The following CECR2 variants were observed in gnomAD, a reference collection of about 807,000 sequenced individuals.
The protein encoded by CECR2 is CECR2 histone acetyl-lysine reader.
Under a neutral mutation model 154.5 loss-of-function variants are expected in CECR2, and 30 were observed. That is an observed-to-expected ratio of 0.19 (90% CI 0.15 to 0.26). The LOEUF (loss-of-function observed/expected upper bound fraction) is 0.26. Among genes scored for constraint, CECR2 ranks in the 10% least tolerant of loss-of-function variants. The pLI, the probability that CECR2 is intolerant of heterozygous loss-of-function variation, is 1.00. For synonymous variants in CECR2, 725 were observed against 683.7 expected, an observed-to-expected ratio of 1.06 and a Z score of -0.94; for missense variants, 1,743 against 1,829.3, an observed-to-expected ratio of 0.95 and a Z score of 0.86.
chr22:17,498,861 G>A (rs2055682406), intron 3 of CECR2, among the ~76,000 whole-genome samples: 2 of 152,190 alleles, frequency 1.3e-5, no homozygotes, highest in East Asian at 1.9e-4. Flanking sequence ...GGGAACAATG[G>A]TGGGGATAGG....
At position 17,549,101 on chromosome 22, in the gene CECR2, G is replaced by A. The variant is rs769580221; in HGVS notation, c.3814G>A (p.Asp1272Asn). Residue 1272 changes from aspartate (D) to asparagine (N), a missense_variant, in exon 17 of 19, where the codon GAC (aspartate) becomes AAC (asparagine). This residue lies in a region of CECR2 where 1,250 missense variants were observed against 1,192.1 expected (regional missense o/e 1.05). Transcript: ENST00000262608. ...MDAVAAKVPN[D>N]GQNPGPEEEK... ...TGCAGTGGCTGCTAAAGTCCCAAAT[G>A]ACGGGCAGAATCCTGGTCCAGAGGA... is the stretch of plus-strand genomic sequence containing the variant. The A allele has an allele frequency of 6.2e-7, 1 of 1,613,998 alleles. No individual in the cohort carries two copies. The highest frequency in any genetic ancestry group is 1.1e-5 in the South Asian group (1 of 91,082).
At chr22:17,497,678 G>T (rs1271294280) in intron 3 of CECR2, 92 bp downstream of exon 3, 2 of 1,305,012 alleles carry the variant, frequency 1.5e-6, no homozygotes, top group Non-Finnish European at 2.2e-6. Context: ...TACTAAGCCA[G>T]AGTTTGGCTT....
intron 1 of CECR2, among the ~76,000 whole-genome samples, chr22:17,395,276 C>T (rs1452675001): frequency 6.6e-6 from 1 of 152,174 alleles, no homozygotes; most frequent in East Asian, 1.9e-4. Flanking sequence ...AATCCACCCA[C>T]CTCTGCCTCC....
At chr22:17,398,055 G>A in intron 1 of CECR2, among the ~76,000 whole-genome samples, 1 of 152,002 alleles carries the variant, frequency 6.6e-6, no homozygotes, top group Non-Finnish European at 1.5e-5. Flanking sequence ...TTCTGCTGAG[G>A]TCATGCTTAA....
chr22:17,414,033 T>C (rs9604741), intron 1 of CECR2, among the ~76,000 whole-genome samples: 18,272 of 140,570 alleles, frequency 0.13, 1,483 homozygotes, highest in Non-Finnish European at 0.19. Context: ...AGTGTGGTGG[T>C]GCAATCTCCG....
At chr22:17,441,960 G>A (rs962115784) in intron 1 of CECR2, among the ~76,000 whole-genome samples, 4 of 152,126 alleles carry the variant, frequency 2.6e-5, no homozygotes, top group Non-Finnish European at 5.9e-5. Context: ...GAAAGGATTT[G>A]GATGTTCTGA....
In CECR2 at chr22:17,541,916, G is replaced by A. The variant is rs540911813; in HGVS notation, c.1962G>A (p.Pro654=). The A allele has an allele frequency of 6.2e-6, 10 of 1,613,922 alleles. No individual in the cohort carries two copies. The highest frequency in any genetic ancestry group is 3.3e-5 in the Admixed American group (2 of 60,006). The change falls in exon 15 of 19, where the codon CCG becomes CCA. Residue 654 remains proline (P), a synonymous_variant. Coordinates refer to ENST00000262608, the MANE Select transcript of CECR2 (RefSeq NM_001290047.2). The part of the protein sequence containing the change: ...PATLYGSSGV[P]EPHPGEPVQQ... ...CCTTGTATGGCTCCTCTGGAGTCCC[G>A]GAGCCACACCCCGGGGAGCCTGTGC...
chr22:17,548,025 T>G, intron 16 of CECR2, 123 bp from the exon 17 acceptor site: 1 of 913,860 alleles, frequency 1.1e-6, no homozygotes, highest in Non-Finnish European at 1.6e-6. Context: ...ACTCAAACAA[T>G]TTCCAGGTGG....
intron 1 of CECR2, among the ~76,000 whole-genome samples, chr22:17,440,403 T>C (rs1465071666): frequency 6.6e-6 from 1 of 152,196 alleles, no homozygotes; most frequent in Admixed American, 6.5e-5. Flanking sequence ...TTTTGCCTTG[T>C]TGATTGAAAA....
At chr22:17,475,532 A>G (rs984893456) in intron 1 of CECR2, among the ~76,000 whole-genome samples, 1 of 151,996 alleles carries the variant, frequency 6.6e-6, no homozygotes, top group African/African-American at 2.4e-5. Flanking sequence ...GGGCTCAGTG[A>G]TCCTCCTACC....
intron 1 of CECR2, among the ~76,000 whole-genome samples, chr22:17,417,593 C>T (rs1211259792): frequency 1.3e-5 from 2 of 152,068 alleles, no homozygotes; most frequent in African/African-American, 4.8e-5. Flanking sequence ...GGCAGCATTC[C>T]ACAACACCCA....
At chr22:17,524,829 C>CCAG in intron 9 of CECR2, 1 of 393,968 alleles carries the variant, frequency 2.5e-6, no homozygotes, top group Non-Finnish European at 5.1e-6. Context: ...GCCACCACAC[C>CCAG]CAGCTAATGT....
intron 1 of CECR2, among the ~76,000 whole-genome samples, chr22:17,472,022 C>T (rs1298299355): frequency 6.6e-6 from 1 of 152,070 alleles, no homozygotes; most frequent in East Asian, 1.9e-4. Context: ...AGGGGAGGAG[C>T]TATTTTGGTT....
intron 14 of CECR2, 110 bp from the exon 15 acceptor site, chr22:17,541,729 G>A (rs1158942125): frequency 7.4e-7 from 1 of 1,344,912 alleles, no homozygotes; most frequent in East Asian, 2.4e-5. Flanking sequence ...CCGAGGTTTA[G>A]TCGTCTGTTT....
chr22:17,435,974 T>G (rs1367914209), intron 1 of CECR2, among the ~76,000 whole-genome samples: 1 of 152,140 alleles, frequency 6.6e-6, no homozygotes, highest in Admixed American at 6.5e-5. Flanking sequence ...CCTCCCTCCC[T>G]CCCTCTGTCT....
Position 17,549,389 on chromosome 22 carries a change from G to T in CECR2, c.4102G>T (p.Ala1368Ser). The T allele has an allele frequency of 6.2e-7, 1 of 1,613,886 alleles. No individual in the cohort carries two copies. The highest frequency in any genetic ancestry group is 2.2e-5 in the East Asian group (1 of 44,880). Residue 1368 changes from alanine to serine, a missense_variant, in exon 17 of 19, where the codon GCT becomes TCT. Ala to Ser is a moderately conservative substitution (Grantham distance 99). This residue lies in a region of CECR2 where 1,250 missense variants were observed against 1,192.1 expected (regional missense o/e 1.05). Transcript: ENST00000262608. The part of the protein sequence containing the change: ...FQPRAYSSPV[A>S]ALPPHHPGAT... ...GCCCAGGGCTTACTCTTCCCCTGTG[G>T]CTGCCCTCCCACCTCACCACCCAGG...
rs182442932 is a variant in CECR2 at position 17,499,342 on chromosome 22, C to A, written c.406-68C>A. On this transcript the variant is annotated intron_variant, in intron 3 of 18. Transcript: ENST00000262608. ...TGCTTACGTGTAAATTTGGAATCCT[C>A]GTTCTGGTTTTTTCCTGGTGCGTTT... 5.8e-4 allele frequency: 903 copies of A among 1,549,934 alleles called. 7 individuals are homozygous for A. Among genetic ancestry groups the A allele is most frequent in the Middle Eastern group, 4.1e-3 (23 of 5,634 alleles).
At chr22:17,386,179 G>A (rs899412930) in intron 1 of CECR2, among the ~76,000 whole-genome samples, 5 of 152,076 alleles carry the variant, frequency 3.3e-5, no homozygotes, top group Non-Finnish European at 7.4e-5. Flanking sequence ...AAATGACAAC[G>A]GAAAAGAGCC....
intron 1 of CECR2, among the ~76,000 whole-genome samples, chr22:17,435,367 A>G (rs2054488266): frequency 6.6e-6 from 1 of 152,168 alleles, no homozygotes; most frequent in Non-Finnish European, 1.5e-5. Context: ...GAATTTGCTA[A>G]TATTTCTAAG....
Sources: gnomAD v4.1 joint callset for allele counts (sites outside exome capture counted in the v4.1 genomes callset) on GRCh38, gnomAD v4.1.1 for gene constraint, gnomAD v4.1.1 regional missense constraint, MANE v1.5 for transcripts, NCBI Gene and HGNC (gene_info 2026-07-23, HGNC 2026-07-21) for gene names.